The following APBA2 variants were observed in gnomAD, a reference collection of about 807,000 sequenced individuals.
APBA2 encodes the protein amyloid beta precursor protein binding family A member 2, also known as amyloid-beta A4 precursor protein-binding family A member 2.
In APBA2, 30 loss-of-function variants were observed where a neutral mutation model predicts 75.0. The ratio of observed to expected loss-of-function variants is 0.40; its 90% CI spans 0.30 to 0.54. The LOEUF is 0.54. APBA2 is among the 20% of genes least tolerant of loss of function. The pLI is 0.49. For missense variants in APBA2, 801 were observed against 1,016.1 expected (o/e 0.79, Z 2.88); for synonymous variants, 444 against 409.6 (o/e 1.08, Z -1.01).
Position 29,054,267 on chromosome 15 carries a change from C to T in APBA2, c.383C>T (p.Pro128Leu). Residue 128 changes from proline to leucine, a missense_variant, in exon 4 of 15, where the codon CCT (proline) becomes CTT (leucine). Transcript: ENST00000683413. The surrounding 1 kb of genome is among the most constrained non-coding windows in gnomAD (Gnocchi z 6.1). ...GAGTACCTGGCCCACAGTGCACACC[C>T]TGTGGACACTGATGAGTGCCAGGAG... is the stretch of plus-strand genomic sequence containing the variant. ...GEEYLAHSAH[P>L]VDTDECQEAV... 1 of 1,614,152 alleles carries T rather than the reference C, an allele frequency of 6.2e-7. No homozygotes were observed. The highest frequency in any genetic ancestry group is 1.3e-5 in the African/African-American group (1 of 75,060).
rs909230019 is a variant in APBA2, at chr15:29,114,982, TGAG to T, written c.2178+970_2178+972del. Among the ~76,000 whole-genome samples, 56 of 149,988 alleles carry T rather than the reference TGAG, an allele frequency of 3.7e-4. No individual in the cohort carries two copies. The East Asian group carries it at 7.7e-3, about 21-fold the overall frequency. On this transcript the variant is annotated intron_variant, in intron 14 of 14. Transcript: ENST00000683413. ...GTGAGTGGGTGTGAGGCATGGGGTG[TGAG>T]GAGAGTGTGAGTGGGTGTGTCTGTG...
intron 2 of APBA2, among the ~76,000 whole-genome samples, chr15:28,937,642 T>G (rs2034952705): frequency 6.6e-6 from 1 of 151,940 alleles, no homozygotes; most frequent in African/African-American, 2.4e-5. Context: ...GGGTGTTGGA[T>G]TTAGTTTCTT....
At chr15:29,038,167 A>G (rs1448588146) in intron 3 of APBA2, among the ~76,000 whole-genome samples, 1 of 152,130 alleles carries the variant, frequency 6.6e-6, no homozygotes, top group Admixed American at 6.5e-5. Flanking sequence ...TGCTTTGACA[A>G]CAACTTCTGC....
intron 2 of APBA2, among the ~76,000 whole-genome samples, chr15:28,943,748 G>GCCC (rs2035372350): frequency 6.6e-6 from 1 of 152,104 alleles, no homozygotes; most frequent in African/African-American, 2.4e-5. Flanking sequence ...TCCAGCCCTG[G>GCCC]CTCCTCCAGC....
At position 29,046,517 on chromosome 15, in the gene APBA2, A is replaced by C. The variant is rs562248997; in HGVS notation, c.-40-7328A>C. 1.1e-4 allele frequency among the ~76,000 whole-genome samples: 16 copies of C among 152,314 alleles called. No individual in the cohort carries two copies. Among genetic ancestry groups the C allele is most frequent in the African/African-American group, 3.6e-4 (15 of 41,576 alleles). ...CTTGGTGAGGGCCTTGTATTTGTTG[A>C]CAAGGAGGTCAGATCCATTCCCTGG... is the stretch of plus-strand genomic sequence containing the variant. On this transcript the variant is annotated intron_variant, in intron 3 of 14. Coordinates refer to ENST00000683413, the MANE Select transcript of APBA2 (RefSeq NM_001353788.2). This position sits in a 1 kb window ranked among gnomAD's most constrained non-coding sequence, Gnocchi z 5.0.
rs8040932 is a variant in APBA2, at chr15:29,054,816, T to C, written c.932T>C (p.Leu311Pro). ...KPKTRTPEERLKWPHEQVCNG... is the reference protein window; with the variant it reads ...KPKTRTPEERPKWPHEQVCNG... ...AAGACCAGGACCCCAGAAGAGAGGCTGAAGTGGCCCCACGAGCAGGTAGGA... is the reference window on the plus strand; with the variant it reads ...AAGACCAGGACCCCAGAAGAGAGGCCGAAGTGGCCCCACGAGCAGGTAGGA... The change falls in exon 4 of 15, where the codon CTG (leucine) becomes CCG (proline). Residue 311 changes from leucine to proline, a missense_variant. By Grantham distance (98) the Leu-to-Pro change is moderately conservative (BLOSUM62 -3). Around this residue, in one of 2 missense-constraint regions of APBA2, gnomAD observed 434 missense variants for 471.6 expected, o/e 0.92. Coordinates refer to ENST00000683413, the MANE Select transcript of APBA2 (RefSeq NM_001353788.2). The surrounding 1 kb of genome is among the most constrained non-coding windows in gnomAD (Gnocchi z 6.1). The C allele has an allele frequency of 0.2, 318,223 of 1,599,222 alleles. 42,127 individuals carry two copies. Among genetic ancestry groups the C allele is most frequent in the African/African-American group, 0.69 (52,023 of 74,946 alleles).
chr15:29,023,441 CTTTTTTTTTTTTTTTTTTT>C (rs10604525), intron 3 of APBA2, among the ~76,000 whole-genome samples: 1 of 73,290 alleles, frequency 1.4e-5, no homozygotes, highest in Non-Finnish European at 2.4e-5. Flanking sequence ...TACCTTTTTC[CTTTTTTTTTTTTTTTTTTT>C]TTTTTTTTTT....
intron 3 of APBA2, among the ~76,000 whole-genome samples, chr15:29,034,833 G>T (rs918202112): frequency 6.6e-6 from 1 of 152,206 alleles, no homozygotes; most frequent in African/African-American, 2.4e-5. Flanking sequence ...TTCTGTGTTT[G>T]TGGAGTTCCC....
chr15:29,097,855 A>G (rs1014898346), intron 8 of APBA2, among the ~76,000 whole-genome samples: 3 of 152,002 alleles, frequency 2.0e-5, no homozygotes, highest in African/African-American at 7.3e-5. Context: ...TCAGCTCTCT[A>G]CTTCTGTGAG....
chr15:29,072,254 A>C (rs1057070854), intron 4 of APBA2, among the ~76,000 whole-genome samples: 3 of 152,158 alleles, frequency 2.0e-5, no homozygotes, highest in Non-Finnish European at 4.4e-5. Context: ...CTAGTAAGGC[A>C]GGGAAGGCCT....
intron 2 of APBA2, among the ~76,000 whole-genome samples, chr15:28,987,727 G>GATAT (rs1252518408): frequency 3.4e-4 from 39 of 115,098 alleles, no homozygotes; most frequent in African/African-American, 9.5e-4. Flanking sequence ...TATGTGGAGA[G>GATAT]AGATATATAT....
At chr15:29,047,315 G>A (rs1595825415) in intron 3 of APBA2, among the ~76,000 whole-genome samples, 1 of 152,252 alleles carries the variant, frequency 6.6e-6, no homozygotes, top group South Asian at 2.1e-4. Context: ...GAATGTCTGT[G>A]GTGTCAAACT....
intron 1 of APBA2, among the ~76,000 whole-genome samples, chr15:28,901,874 G>A (rs1302879896): frequency 6.9e-6 from 1 of 144,416 alleles, no homozygotes; most frequent in African/African-American, 2.6e-5. Flanking sequence ...AACCAGCATC[G>A]GGAAGCCTGG....
At position 29,046,959 on chromosome 15, in the gene APBA2, T is replaced by C. The variant is rs2041365546; in HGVS notation, c.-40-6886T>C. ...CTGGACCATTTCATTGACATTTTCC[T>C]TAACTCCCTTTATGTAGTGTTTATG... On this transcript the variant is annotated intron_variant, in intron 3 of 14. Coordinates refer to ENST00000683413, the MANE Select transcript of APBA2 (RefSeq NM_001353788.2). The surrounding 1 kb of genome is among the most constrained non-coding windows in gnomAD (Gnocchi z 5.0). Among the ~76,000 whole-genome samples the C allele has an allele frequency of 6.6e-6, 1 of 152,244 alleles. No individual in the cohort carries two copies. Among genetic ancestry groups the C allele is most frequent in the Admixed American group, 6.5e-5 (1 of 15,278 alleles).
chr15:28,996,586 G>A (rs1405567708), intron 3 of APBA2, among the ~76,000 whole-genome samples: 4 of 152,302 alleles, frequency 2.6e-5, no homozygotes, highest in South Asian at 2.1e-4. Flanking sequence ...ACAAGGCAGC[G>A]GCTTTGTAGG....
intron 1 of APBA2, among the ~76,000 whole-genome samples, chr15:28,893,463 A>G (rs953981081): frequency 2.6e-5 from 4 of 152,172 alleles, no homozygotes; most frequent in African/African-American, 9.7e-5. Flanking sequence ...TGCACTTCCC[A>G]TCTGGCCTGA....
intron 5 of APBA2, among the ~76,000 whole-genome samples, chr15:29,075,370 A>G (rs2042805147): frequency 6.6e-6 from 1 of 152,204 alleles, no homozygotes; most frequent in African/African-American, 2.4e-5. Context: ...TGACACCATT[A>G]ACATTGAGGC....
intron 2 of APBA2, among the ~76,000 whole-genome samples, chr15:28,988,851 G>C (rs1459113329): frequency 6.6e-6 from 1 of 152,160 alleles, no homozygotes; most frequent in Non-Finnish European, 1.5e-5. Flanking sequence ...ATCTTCAAAC[G>C]TACTAGAAAC....
intron 3 of APBA2, among the ~76,000 whole-genome samples, chr15:29,002,257 G>A (rs1273405971): frequency 5.3e-5 from 8 of 152,232 alleles, no homozygotes; most frequent in Non-Finnish European, 1.2e-4. Flanking sequence ...GAATTGATGA[G>A]CAATGTACAT....
Sources: gnomAD v4.1 joint callset for allele counts (sites outside exome capture counted in the v4.1 genomes callset) on GRCh38, gnomAD v4.1.1 for gene constraint, gnomAD v4.1.1 regional missense constraint, Gnocchi (gnomAD v3.1) non-coding constraint, MANE v1.5 for transcripts, NCBI Gene and HGNC (gene_info 2026-07-23, HGNC 2026-07-21) for gene names.